Variants in CUX2 observed in about 807,000 individuals in gnomAD.
CUX2 encodes the protein homeobox protein cut-like 2.
CUX2 carries 40 observed loss-of-function variants against 144.8 expected under a neutral mutation model. The ratio of observed to expected loss-of-function variants is 0.28; its 90% CI spans 0.21 to 0.36. CUX2 has a LOEUF of 0.36. Ranked by LOEUF, CUX2 falls within the 10% of genes least tolerant of loss-of-function variation. The probability of loss-of-function intolerance (pLI) is 1.00; values close to 1 mark genes in which losing one functional copy is unlikely to be tolerated. For missense variants in CUX2, 1,615 were observed against 1,994.0 expected, an observed-to-expected ratio of 0.81 and a Z score of 3.62; for synonymous variants, 827 against 875.6, an observed-to-expected ratio of 0.94 and a Z score of 0.98.
chr12:111,164,867 C>T (rs1270077380), intron 1 of CUX2, among the ~76,000 whole-genome samples: 2 of 152,168 alleles, frequency 1.3e-5, no homozygotes, highest in Non-Finnish European at 2.9e-5. Context: ...AGACTTGTCC[C>T]TGCCTGTACC....
In CUX2 at chr12:111,348,064, C is replaced by T. The variant is rs369066161; in HGVS notation, c.4200C>T (p.Ala1400=). The T allele has an allele frequency of 4.0e-5, 65 of 1,613,990 alleles. No individual in the cohort carries two copies. Among genetic ancestry groups the T allele is most frequent in the Admixed American group, 1.7e-4 (10 of 59,986 alleles). The change falls in exon 22 of 22, where the codon GCC becomes GCT. Residue 1400 remains alanine (A), a synonymous_variant. Transcript: ENST00000261726. The stretch of plus-strand genomic sequence containing the variant: ...AGGTGTCACTGAACTCGCCCTCGGC[C>T]GCCTCCTCACCAGGCCTCATGATGT... The part of the protein sequence containing the change: ...SLEVSLNSPS[A]ASSPGLMMSV...
At chr12:111,337,307 C>A (rs1888393230) in intron 19 of CUX2, among the ~76,000 whole-genome samples, 2 of 148,376 alleles carry the variant, frequency 1.3e-5, no homozygotes, top group Admixed American at 6.8e-5. Flanking sequence ...GAGCTGAGAT[C>A]ACACCACTGC....
chr12:111,206,184 T>C lies in CUX2; in HGVS notation c.64-8016T>C, dbSNP rs570120996. Among the ~76,000 whole-genome samples, 3 of 152,202 alleles carry C rather than the reference T, an allele frequency of 2.0e-5. No homozygotes were observed. The East Asian group carries it at 5.8e-4, about 29-fold the overall frequency. On this transcript the variant is annotated intron_variant, in intron 1 of 21. Coordinates refer to ENST00000261726, the MANE Select transcript of CUX2 (RefSeq NM_015267.4). ...GGCCCTGTCTTTACAAAAAATAAAT[T>C]AGCTGGGTGTGGTGGTTTGCACCCA...
chr12:111,115,695 T>A (rs1874255153), intron 1 of CUX2, among the ~76,000 whole-genome samples: 1 of 152,200 alleles, frequency 6.6e-6, no homozygotes, highest in African/African-American at 2.4e-5. Context: ...GAGGTCTTTG[T>A]TATCTCCTGA....
intron 9 of CUX2, among the ~76,000 whole-genome samples, chr12:111,299,390 C>T (rs1007338933): frequency 2.0e-5 from 3 of 152,180 alleles, no homozygotes; most frequent in Non-Finnish European, 4.4e-5. Flanking sequence ...AGCAGAGGCC[C>T]GAGGTGTGGC....
rs1884259536 is a variant in CUX2, at chr12:111,263,975, C to G, written c.301+136C>G. 3.9e-6 allele frequency: 3 copies of G among 765,322 alleles called. No homozygotes were observed. In the South Asian group the frequency reaches 4.9e-5, roughly 13 times the overall value. The allele number at this position is 765,322 out of a possible 1,614,324, so 47.4% of individuals were successfully genotyped here. A position where few individuals can be genotyped will look rare whatever the true frequency, so the allele number is the denominator to read the frequency against. On this transcript the variant is annotated intron_variant, in intron 4 of 21. Coordinates refer to ENST00000261726, the MANE Select transcript of CUX2 (RefSeq NM_015267.4). The surrounding 1 kb of genome is among the most constrained non-coding windows in gnomAD (Gnocchi z 4.0). ...GTGAGGCCAGGCACTCTGTATAGGG[C>G]AGGGGGAGCTGTGGCCAGTCTGGTG...
At chr12:111,234,332 T>C (rs114538031) in intron 3 of CUX2, among the ~76,000 whole-genome samples, 2,689 of 152,236 alleles carry the variant, frequency 0.018, 79 homozygotes, top group African/African-American at 0.061. Flanking sequence ...AAGGAGGGAC[T>C]GTTAACAATT....
intron 1 of CUX2, among the ~76,000 whole-genome samples, chr12:111,140,211 G>A (rs1876213018): frequency 1.3e-5 from 2 of 152,104 alleles, no homozygotes; most frequent in Admixed American, 6.5e-5. Flanking sequence ...GGGTGAGCTG[G>A]AAACCCATTT....
chr12:111,107,274 G>T (rs144519683), intron 1 of CUX2, among the ~76,000 whole-genome samples: 12 of 152,344 alleles, frequency 7.9e-5, no homozygotes, highest in Non-Finnish European at 1.5e-4. Flanking sequence ...AAGCCCACAG[G>T]CCCCTCACAC....
At position 111,186,664 on chromosome 12, in the gene CUX2, A is replaced by G. The variant is rs77881924; in HGVS notation, c.64-27536A>G. ...CCATCTGCCAGCTGTGTGACCTTGTATGACCTTGCCACTCTGAGCCTCTGT... is the reference window on the plus strand; with the variant it reads ...CCATCTGCCAGCTGTGTGACCTTGTGTGACCTTGCCACTCTGAGCCTCTGT... On this transcript the variant is annotated intron_variant, in intron 1 of 21. Coordinates refer to ENST00000261726, the MANE Select transcript of CUX2 (RefSeq NM_015267.4). The surrounding 1 kb of genome is among the most constrained non-coding windows in gnomAD (Gnocchi z 4.4). Among the ~76,000 whole-genome samples the G allele has an allele frequency of 0.046, 6,930 of 152,230 alleles. 545 individuals carry two copies. The highest frequency in any genetic ancestry group is 0.16 in the African/African-American group (6,548 of 41,506).
In CUX2 at chr12:111,322,574, TC is replaced by T; in HGVS notation, c.2923del (p.Gln975ArgfsTer28). On this transcript the variant is annotated frameshift_variant, in exon 18 of 22. Transcript: ENST00000261726. LOFTEE classifies it high-confidence loss of function. This position sits in a 1 kb window ranked among gnomAD's most constrained non-coding sequence, Gnocchi z 4.2. The stretch of plus-strand genomic sequence containing the variant: ...GGCAGTGGGCCAGCAGCCTGGTGCC[TC>T]CCAGGGTGAGTGCGGGCAGGAGCAT... The part of the protein sequence containing the change: ...GQAVGQQPGA[S>X]QASPTEPRSS... The T allele has an allele frequency of 6.2e-7, 1 of 1,608,426 alleles. No individual in the cohort carries two copies.
intron 1 of CUX2, among the ~76,000 whole-genome samples, chr12:111,101,165 C>T (rs1391566547): frequency 2.0e-5 from 3 of 152,192 alleles, no homozygotes; most frequent in African/African-American, 4.8e-5. Flanking sequence ...ACTCACCCCT[C>T]GTGATGAGGA....
chr12:111,302,499 C>T (rs186657244), intron 9 of CUX2, among the ~76,000 whole-genome samples: 17 of 152,230 alleles, frequency 1.1e-4, no homozygotes, highest in African/African-American at 9.6e-5. Context: ...ATCGCATAAC[C>T]GGAAAGTTGC....
intron 1 of CUX2, among the ~76,000 whole-genome samples, chr12:111,050,657 T>C (rs1054732602): frequency 2.0e-5 from 3 of 152,138 alleles, no homozygotes; most frequent in African/African-American, 7.2e-5. Context: ...ACCTCCTAGA[T>C]ACCTCCTGCA....
Position 111,320,231 on chromosome 12 carries a change from C to T in CUX2, c.2222C>T (p.Ala741Val), listed in dbSNP as rs369648566. 4 of 1,570,000 alleles carry T rather than the reference C, an allele frequency of 2.5e-6. No homozygotes were observed. The African/African-American group carries it at 4.1e-5, about 16-fold the overall frequency. Residue 741 changes from alanine (A) to valine (V), a missense_variant, in exon 17 of 22, where the codon GCC (alanine) becomes GTC (valine). Physicochemically the swap from Ala to Val is moderately conservative, Grantham distance 64. Transcript: ENST00000261726. The surrounding 1 kb of genome is among the most constrained non-coding windows in gnomAD (Gnocchi z 8.1). Reference protein sequence around the residue: ...PSLATASQNGAPALVKQEEGS... With the variant: ...PSLATASQNGVPALVKQEEGS... The stretch of plus-strand genomic sequence containing the variant: ...CTGGCCACCGCGAGCCAGAACGGGG[C>T]CCCGGCCTTGGTGAAGCAGGAGGAG...
intron 1 of CUX2, among the ~76,000 whole-genome samples, chr12:111,184,733 G>A (rs1441156042): frequency 6.6e-6 from 1 of 152,002 alleles, no homozygotes; most frequent in Non-Finnish European, 1.5e-5. Flanking sequence ...CTACAGCCTG[G>A]GCAACAGAGT....
chr12:111,229,763 A>G (rs1282818883), intron 3 of CUX2, among the ~76,000 whole-genome samples: 3 of 152,146 alleles, frequency 2.0e-5, no homozygotes, highest in Non-Finnish European at 4.4e-5. Context: ...GCTCACGCTT[A>G]TAATCCTAAC....
At chr12:111,109,678 T>C (rs1375948299) in intron 1 of CUX2, among the ~76,000 whole-genome samples, 2 of 152,202 alleles carry the variant, frequency 1.3e-5, no homozygotes, top group Non-Finnish European at 2.9e-5. Context: ...ACATCTGTTA[T>C]CACACAGGTT....
chr12:111,143,466 G>C (rs1463535818), intron 1 of CUX2, among the ~76,000 whole-genome samples: 2 of 152,196 alleles, frequency 1.3e-5, no homozygotes, highest in Admixed American at 1.3e-4. Context: ...CGGGAGTGCA[G>C]AATTAATGGC....
Sources: allele counts gnomAD v4.1 joint callset (sites outside exome capture counted in the v4.1 genomes callset), GRCh38; gene constraint gnomAD v4.1.1; non-coding constraint Gnocchi (gnomAD v3.1); transcripts MANE v1.5; gene names NCBI Gene and HGNC (gene_info 2026-07-23, HGNC 2026-07-21).